The following PRKCZ variants were observed in gnomAD, a reference collection of about 807,000 sequenced individuals.
PRKCZ encodes the protein protein kinase C zeta type.
In PRKCZ, 33 loss-of-function variants were observed where a neutral mutation model predicts 79.5. That is an observed-to-expected ratio of 0.41 (90% CI 0.31 to 0.55). PRKCZ has a LOEUF of 0.55. Ranked by LOEUF, PRKCZ falls within the 20% of genes least tolerant of loss-of-function variation. PRKCZ has a pLI of 0.19. For missense variants in PRKCZ, 578 were observed against 813.5 expected (o/e 0.71, Z 3.52); for synonymous variants, 342 against 320.9 (o/e 1.07, Z -0.70).
At position 2,141,768 on chromosome 1, in the gene PRKCZ, T is replaced by C. The variant is rs114209706; in HGVS notation, c.421-2442T>C. 364 of 186,234 alleles carry C rather than the reference T, an allele frequency of 2.0e-3. 1 individual carries two copies. Among genetic ancestry groups the C allele is most frequent in the African/African-American group, 8.1e-3 (340 of 41,892 alleles). 11.5% of individuals were successfully genotyped at this position (186,234 alleles called of 1,614,324 possible). A position where few individuals can be genotyped will look rare whatever the true frequency, so the allele number is the denominator to read the frequency against. ...AAAGCCAAACACATTAGGCACATTA[T>C]ACCAAAAGAACTTGACTTTTAAATA... On this transcript the variant is annotated intron_variant, in intron 5 of 17. Coordinates refer to ENST00000378567, the MANE Select transcript of PRKCZ (RefSeq NM_002744.6).
At chr1:2,160,135 T>C (rs768215386) in intron 10 of PRKCZ, among the ~76,000 whole-genome samples, 73 of 152,360 alleles carry the variant, frequency 4.8e-4, no homozygotes, top group Non-Finnish European at 8.4e-4. Context: ...TTTGCTTATC[T>C]GTGGAAGCGC....
At chr1:2,176,003 C>A (rs1322840463) in intron 16 of PRKCZ, among the ~76,000 whole-genome samples, 3 of 152,170 alleles carry the variant, frequency 2.0e-5, no homozygotes, top group African/African-American at 7.2e-5. Flanking sequence ...ACAGGACCAG[C>A]AGTCGCAGCG....
chr1:2,050,605 G>C lies in PRKCZ; in HGVS notation c.-26G>C. Reference sequence around the variant, plus strand: ...ATGGCCGGAGCTCCCGGGGCGCAGCGCTGACGGCGGCGGGGGGAGCGCGCC... The same window carrying C: ...ATGGCCGGAGCTCCCGGGGCGCAGCCCTGACGGCGGCGGGGGGAGCGCGCC... On this transcript the variant is annotated 5_prime_UTR_variant, in exon 1 of 18. Coordinates refer to ENST00000378567, the MANE Select transcript of PRKCZ (RefSeq NM_002744.6). The C allele has an allele frequency of 6.6e-6, 8 of 1,215,130 alleles. No homozygotes were observed. The highest frequency in any genetic ancestry group is 8.2e-6 in the Non-Finnish European group (8 of 975,528). The allele number at this position is 1,215,130 out of a possible 1,614,324, so 75.3% of individuals were successfully genotyped here. A position where few individuals can be genotyped will look rare whatever the true frequency, so the allele number is the denominator to read the frequency against.
chr1:2,141,499 C>T (rs1471750187), intron 5 of PRKCZ: 4 of 152,466 alleles, frequency 2.6e-5, no homozygotes, highest in African/African-American at 7.2e-5. Flanking sequence ...ATGTGCGCCA[C>T]CACGCCCAGC....
At chr1:2,050,842 C>T (rs1238362140) in intron 1 of PRKCZ, 141 bp downstream of exon 1, 2 of 474,346 alleles carry the variant, frequency 4.2e-6, no homozygotes, top group Non-Finnish European at 6.6e-6. Context: ...GCGGGAGGTC[C>T]TCGGTCCCCG....
intron 4 of PRKCZ, among the ~76,000 whole-genome samples, chr1:2,119,955 TTTTG>T (rs1447023084): frequency 1.3e-5 from 2 of 151,904 alleles, no homozygotes; most frequent in African/African-American, 2.4e-5. Flanking sequence ...CCCAGTTGTT[TTTTG>T]TTTGTGTGGG....
At chr1:2,083,121 G>A (rs571100332) in intron 4 of PRKCZ, among the ~76,000 whole-genome samples, 22 of 152,276 alleles carry the variant, frequency 1.4e-4, no homozygotes, top group African/African-American at 5.3e-4. Flanking sequence ...TTCCCCTGTT[G>A]CTGGCCCCAG....
chr1:2,052,597 C>T (rs1238200317), intron 1 of PRKCZ, among the ~76,000 whole-genome samples: 7 of 152,054 alleles, frequency 4.6e-5, no homozygotes. Flanking sequence ...CTCCCAGGTC[C>T]TCCTCCTCTC....
intron 3 of PRKCZ, among the ~76,000 whole-genome samples, chr1:2,057,081 G>A (rs894552294): frequency 3.9e-5 from 6 of 152,094 alleles, no homozygotes; most frequent in African/African-American, 1.4e-4. Context: ...CAAAGAACCC[G>A]TAAACCACTC....
chr1:2,108,470 G>A (rs369110070), intron 4 of PRKCZ, among the ~76,000 whole-genome samples: 26 of 152,348 alleles, frequency 1.7e-4, no homozygotes, highest in East Asian at 1.5e-3. Flanking sequence ...AGGCGCCACC[G>A]CTGTGTCCTC....
At chr1:2,110,938 T>G (rs1299238441) in intron 4 of PRKCZ, among the ~76,000 whole-genome samples, 1 of 151,992 alleles carries the variant, frequency 6.6e-6, no homozygotes, top group Non-Finnish European at 1.5e-5. Flanking sequence ...ACTGGAAGCT[T>G]GCACACGTCC....
chr1:2,148,087 A>G (rs963687414), intron 7 of PRKCZ, among the ~76,000 whole-genome samples: 2 of 147,220 alleles, frequency 1.4e-5, no homozygotes, highest in South Asian at 2.1e-4. Flanking sequence ...TCTATTGTCT[A>G]CTGACCTCTC....
At position 2,174,882 on chromosome 1, in the gene PRKCZ, G is replaced by C. The variant is rs899052276; in HGVS notation, c.1485+49G>C. Reference sequence around the variant, plus strand: ...AAATCTCGTTTGTGGCCTCGGTGTTGGTGGGCAGAGGGCCAGGCACGGCTG... The same window carrying C: ...AAATCTCGTTTGTGGCCTCGGTGTTCGTGGGCAGAGGGCCAGGCACGGCTG... On this transcript the variant is annotated intron_variant, in intron 15 of 17. Transcript: ENST00000378567. This position sits in a 1 kb window ranked among gnomAD's most constrained non-coding sequence, Gnocchi z 6.2. The C allele has an allele frequency of 5.1e-6, 8 of 1,573,808 alleles. No homozygotes were observed. In the African/African-American group the frequency reaches 9.5e-5, roughly 19 times the overall value.
chr1:2,083,192 G>C (rs1335103292), intron 4 of PRKCZ, among the ~76,000 whole-genome samples: 1 of 152,142 alleles, frequency 6.6e-6, no homozygotes, highest in African/African-American at 2.4e-5. Flanking sequence ...GATTTTACGG[G>C]AGGAGGGGTC....
chr1:2,118,361 A>G (rs1295603337), intron 4 of PRKCZ, among the ~76,000 whole-genome samples: 1 of 135,732 alleles, frequency 7.4e-6, no homozygotes, highest in Non-Finnish European at 1.6e-5. Context: ...TTTTTGAGAC[A>G]GAGTGTCGCT....
rs1046484292 is a variant in PRKCZ at position 2,128,373 on chromosome 1, C to T, written c.335-6889C>T. Among the ~76,000 whole-genome samples, 5 of 152,240 alleles carry T rather than the reference C, an allele frequency of 3.3e-5. No homozygotes were observed. Among genetic ancestry groups the T allele is most frequent in the Non-Finnish European group, 7.3e-5 (5 of 68,042 alleles). On this transcript the variant is annotated intron_variant, in intron 4 of 17. Coordinates refer to ENST00000378567, the MANE Select transcript of PRKCZ (RefSeq NM_002744.6). The surrounding 1 kb of genome is among the most constrained non-coding windows in gnomAD (Gnocchi z 6.5). ...CCCTGACCTGCTGCCAGGGACTCGG[C>T]CCCTCCCTCACCGCCACCGCACCCA...
chr1:2,154,612 C>T (rs931267250), intron 9 of PRKCZ, among the ~76,000 whole-genome samples: 3 of 152,158 alleles, frequency 2.0e-5, no homozygotes, highest in Non-Finnish European at 2.9e-5. Context: ...GTGGGAGGAT[C>T]GCTGGAGCTC....
intron 4 of PRKCZ, among the ~76,000 whole-genome samples, chr1:2,080,946 G>A (rs1314184503): frequency 6.6e-6 from 1 of 152,154 alleles, no homozygotes; most frequent in Non-Finnish European, 1.5e-5. Flanking sequence ...TGTGTTTTGG[G>A]AGGAGGTGAA....
chr1:2,095,418 A>G (rs1321516335), intron 4 of PRKCZ, among the ~76,000 whole-genome samples: 2 of 152,088 alleles, frequency 1.3e-5, no homozygotes, highest in African/African-American at 4.8e-5. Flanking sequence ...GGAGGCCACA[A>G]CCGGTGCCCA....
Sources: gnomAD v4.1 joint callset for allele counts (sites outside exome capture counted in the v4.1 genomes callset) on GRCh38, gnomAD v4.1.1 for gene constraint, Gnocchi (gnomAD v3.1) non-coding constraint, MANE v1.5 for transcripts, NCBI Gene and HGNC (gene_info 2026-07-23, HGNC 2026-07-21) for gene names.